FAF1: variants seen among roughly 807,000 people sequenced by gnomAD.
The protein encoded by FAF1 is Fas associated factor 1, also known as FAS-associated factor 1.
FAF1 carries 25 observed loss-of-function variants against 92.5 expected under a neutral mutation model. The ratio of observed to expected loss-of-function variants is 0.27; its 90% CI spans 0.20 to 0.38. The LOEUF (loss-of-function observed/expected upper bound fraction) is 0.38. FAF1 is among the 10% of genes least tolerant of loss of function. FAF1 has a pLI of 1.00. For synonymous variants in FAF1, 234 were observed against 273.2 expected, an observed-to-expected ratio of 0.86 and a Z score of 1.42; for missense variants, 636 against 793.3, an observed-to-expected ratio of 0.80 and a Z score of 2.38.
At chr1:50,481,444 T>C (rs1036297609) in intron 17 of FAF1, among the ~76,000 whole-genome samples, 2 of 152,222 alleles carry the variant, frequency 1.3e-5, no homozygotes, top group Non-Finnish European at 2.9e-5. Context: ...ACACTTACCA[T>C]TGTATTACAG....
chr1:50,601,746 T>G (rs535137179), intron 8 of FAF1, among the ~76,000 whole-genome samples: 3 of 151,108 alleles, frequency 2.0e-5, no homozygotes, highest in Admixed American at 6.6e-5. Flanking sequence ...ACACATATAT[T>G]CATATATACA....
At chr1:50,537,951 A>G (rs1648570229) in intron 14 of FAF1, among the ~76,000 whole-genome samples, 2 of 152,192 alleles carry the variant, frequency 1.3e-5, no homozygotes, top group African/African-American at 2.4e-5. Context: ...AACCGTATCA[A>G]TGAAATCTGT....
intron 14 of FAF1, among the ~76,000 whole-genome samples, chr1:50,537,331 T>G (rs1470806325): frequency 6.6e-6 from 1 of 152,198 alleles, no homozygotes; most frequent in Non-Finnish European, 1.5e-5. Context: ...AAACTGGACT[T>G]GTAGGTACTA....
intron 9 of FAF1, among the ~76,000 whole-genome samples, chr1:50,592,580 T>C (rs567504394): frequency 2.6e-5 from 4 of 152,230 alleles, no homozygotes; most frequent in African/African-American, 9.6e-5. Context: ...ATCCATAAAG[T>C]CTAAAACTTG....
chr1:50,889,029 C>T (rs974130883), intron 1 of FAF1, among the ~76,000 whole-genome samples: 7 of 152,144 alleles, frequency 4.6e-5, no homozygotes, highest in Non-Finnish European at 5.9e-5. Flanking sequence ...TTAATTATTG[C>T]CTCAATTTCA....
chr1:50,852,127 A>C (rs1225168988), intron 2 of FAF1, among the ~76,000 whole-genome samples: 1 of 152,236 alleles, frequency 6.6e-6, no homozygotes, highest in Non-Finnish European at 1.5e-5. Context: ...GAAAAGATTC[A>C]TGAAAAGTAT....
chr1:50,452,162 G>A, intron 18 of FAF1: 1 of 1,347,528 alleles, frequency 7.4e-7, no homozygotes, highest in Non-Finnish European at 9.8e-7. Flanking sequence ...ACGAGAACAG[G>A]CATGTTTCCC....
At chr1:50,865,449 CAAT>C (rs1644472422) in intron 1 of FAF1, among the ~76,000 whole-genome samples, 1 of 146,892 alleles carries the variant, frequency 6.8e-6, no homozygotes, top group African/African-American at 2.5e-5. Context: ...AAATGTCCAA[CAAT>C]GATAGACTGG....
At chr1:50,928,059 T>G (rs1645019700) in intron 1 of FAF1, among the ~76,000 whole-genome samples, 1 of 152,216 alleles carries the variant, frequency 6.6e-6, no homozygotes, top group Admixed American at 6.5e-5. Flanking sequence ...ACTGTGATTT[T>G]GCTGAGGTGA....
intron 6 of FAF1, among the ~76,000 whole-genome samples, chr1:50,732,683 G>A (rs1259185627): frequency 2.6e-5 from 4 of 152,006 alleles, no homozygotes; most frequent in Non-Finnish European, 5.9e-5. Flanking sequence ...TTCTATTTGA[G>A]AGTTTCTGTC....
At chr1:50,745,785 TAACA>T (rs1659563421) in intron 4 of FAF1, among the ~76,000 whole-genome samples, 1 of 152,064 alleles carries the variant, frequency 6.6e-6, no homozygotes, top group African/African-American at 2.4e-5. Flanking sequence ...GAAAACAAAC[TAACA>T]GAGAGAATTG....
chr1:50,706,115 G>A, intron 6 of FAF1: 1 of 436,652 alleles, frequency 2.3e-6, no homozygotes, highest in Non-Finnish European at 4.1e-6. Flanking sequence ...TAAATTTCAA[G>A]TCTAAATGCT....
In FAF1 at chr1:50,744,539, A is replaced by G. The variant is rs867027299; in HGVS notation, c.459+145T>C. On this transcript the variant is annotated intron_variant, in intron 5 of 18. Transcript: ENST00000396153. Reference sequence around the variant, plus strand: ...GAAATATTTTAGCTTAGAAAACACTACTTGCTGATTCCTTAAACTAAATTA... The same window carrying G: ...GAAATATTTTAGCTTAGAAAACACTGCTTGCTGATTCCTTAAACTAAATTA... 67 of 610,932 alleles carry G rather than the reference A, an allele frequency of 1.1e-4. No individual in the cohort carries two copies. In the African/African-American group the frequency reaches 1.1e-3, roughly 10 times the overall value. 37.8% of individuals were successfully genotyped at this position (610,932 alleles called of 1,614,324 possible).
Position 50,475,633 on chromosome 1 carries a change from T to G in FAF1, c.1700A>C (p.Glu567Ala). 1.2e-6 allele frequency: 2 copies of G among 1,614,002 alleles called. No homozygotes were observed. The highest frequency in any genetic ancestry group is 1.7e-6 in the Non-Finnish European group (2 of 1,179,964). ...LEQALPPEPK[E>A]ENAEPVSKLR... ...TTTGCTCACAGGCTCAGCATTTTCTTCCTTTGGCTCAGGAGGCAGGGCTTG... is the reference window on the plus strand; with the variant it reads ...TTTGCTCACAGGCTCAGCATTTTCTGCCTTTGGCTCAGGAGGCAGGGCTTG... Residue 567 changes from glutamate (E) to alanine (A), a missense_variant, in exon 18 of 19, where the codon GAA becomes GCA. Coordinates refer to ENST00000396153, the MANE Select transcript of FAF1 (RefSeq NM_007051.3).
At chr1:50,545,600 GA>G (rs900555617) in intron 13 of FAF1, among the ~76,000 whole-genome samples, 40 of 138,824 alleles carry the variant, frequency 2.9e-4, no homozygotes, top group East Asian at 6.3e-4. Flanking sequence ...AAAGAAAAAA[GA>G]AAAAAAAAAC....
At chr1:50,523,727 C>CT in intron 15 of FAF1, among the ~76,000 whole-genome samples, 1 of 152,106 alleles carries the variant, frequency 6.6e-6, no homozygotes, top group Non-Finnish European at 1.5e-5. Context: ...TTATCTCATT[C>CT]TTTTTTATGG....
At chr1:50,758,490 G>C (rs1364933969) in intron 4 of FAF1, among the ~76,000 whole-genome samples, 1 of 152,184 alleles carries the variant, frequency 6.6e-6, no homozygotes, top group East Asian at 1.9e-4. Flanking sequence ...TTTTACAAAT[G>C]CTATAATACA....
intron 3 of FAF1, among the ~76,000 whole-genome samples, chr1:50,797,881 T>C (rs547962707): frequency 6.6e-6 from 1 of 152,264 alleles, no homozygotes; most frequent in East Asian, 1.9e-4. Context: ...GGAAGCTCTA[T>C]GTAGAAATCT....
chr1:50,576,394 T>C (rs1363802166), intron 12 of FAF1, among the ~76,000 whole-genome samples: 1 of 152,222 alleles, frequency 6.6e-6, no homozygotes, highest in African/African-American at 2.4e-5. Context: ...TCTTTGGAGC[T>C]GTAATGAAAT....
Sources: allele counts gnomAD v4.1 joint callset (sites outside exome capture counted in the v4.1 genomes callset), GRCh38; gene constraint gnomAD v4.1.1; transcripts MANE v1.5; gene names NCBI Gene and HGNC (gene_info 2026-07-23, HGNC 2026-07-21).